The following KCNQ1OT1 variants were observed in gnomAD, a reference collection of about 807,000 sequenced individuals.
The protein encoded by KCNQ1OT1 is KCNQ1 opposite strand/antisense transcript 1.
Position 2,627,373 on chromosome 11 carries a change from A to C in KCNQ1OT1, n.72622T>G, listed in dbSNP as rs540147552. Reference sequence around the variant, plus strand: ...CAAATTCCAAGTATAGAATATATTAACTATAGTCACCAATCTGGACGTTAT... The same window carrying C: ...CAAATTCCAAGTATAGAATATATTACCTATAGTCACCAATCTGGACGTTAT... On this transcript the variant is annotated non_coding_transcript_exon_variant, in exon 1 of 1. Coordinates refer to ENST00000597346, the Ensembl canonical transcript of KCNQ1OT1. This position sits in a 1 kb window ranked among gnomAD's most constrained non-coding sequence, Gnocchi z 4.9. 5.0e-6 allele frequency: 2 copies of C among 398,512 alleles called. No homozygotes were observed. The highest frequency in any genetic ancestry group is 8.8e-5 in the Admixed American group (2 of 22,724). 24.7% of individuals were successfully genotyped at this position (398,512 alleles called of 1,614,324 possible). A position where few individuals can be genotyped will look rare whatever the true frequency, so the allele number is the denominator to read the frequency against.
exon 1 of KCNQ1OT1, chr11:2,648,508 A>T: frequency 2.5e-6 from 1 of 398,470 alleles, no homozygotes; most frequent in Non-Finnish European, 4.4e-6. Context: ...TTAAATTTTT[A>T]AAATCAATTT....
At chr11:2,680,658 C>A in exon 1 of KCNQ1OT1, 1 of 398,612 alleles carries the variant, frequency 2.5e-6, no homozygotes, top group East Asian at 3.6e-5. Flanking sequence ...GATAGTCTCA[C>A]TACAGGACAT....
chr11:2,671,202 G>A lies in KCNQ1OT1; in HGVS notation n.28793C>T. The A allele has an allele frequency of 5.0e-6, 2 of 398,584 alleles. No homozygotes were observed. 24.7% of individuals were successfully genotyped at this position (398,584 alleles called of 1,614,324 possible). Reference sequence around the variant, plus strand: ...AGGAGAAAAGGAAAGAAAAATAAAAGGTAGAGAGACAGAGGTAGACAGGAG... The same window carrying A: ...AGGAGAAAAGGAAAGAAAAATAAAAAGTAGAGAGACAGAGGTAGACAGGAG... On this transcript the variant is annotated non_coding_transcript_exon_variant, in exon 1 of 1. Transcript: ENST00000597346. The surrounding 1 kb of genome is among the most constrained non-coding windows in gnomAD (Gnocchi z 4.7).
chr11:2,692,311 T>C (rs768061169), exon 1 of KCNQ1OT1: 8 of 398,874 alleles, frequency 2.0e-5, no homozygotes, highest in Non-Finnish European at 3.1e-5. Flanking sequence ...TCCATCCCTA[T>C]TGCCACTGTC....
Position 2,691,439 on chromosome 11 carries a change from C to G in KCNQ1OT1, n.8556G>C. 2 of 398,616 alleles carry G rather than the reference C, an allele frequency of 5.0e-6. No individual in the cohort carries two copies. The highest frequency in any genetic ancestry group is 8.8e-6 in the Non-Finnish European group (2 of 226,074). The allele number at this position is 398,616 out of a possible 1,614,324, so 24.7% of individuals were successfully genotyped here. On this transcript the variant is annotated non_coding_transcript_exon_variant, in exon 1 of 1. Transcript: ENST00000597346. This position sits in a 1 kb window ranked among gnomAD's most constrained non-coding sequence, Gnocchi z 6.4. ...GGGGAGTCCACTGAAGCTCCCTGCC[C>G]CCACTGAGTCTCTGATGTTGACAGC...
chr11:2,625,962 T>G (rs1292315244), exon 1 of KCNQ1OT1: 3 of 398,530 alleles, frequency 7.5e-6, no homozygotes, highest in Non-Finnish European at 1.3e-5. Context: ...AGGTATGTGA[T>G]TTGCAAATTT....
Position 2,677,284 on chromosome 11 carries a change from C to A in KCNQ1OT1, n.22711G>T. The A allele has an allele frequency of 2.5e-6, 1 of 398,500 alleles. No homozygotes were observed. Among genetic ancestry groups the A allele is most frequent in the South Asian group, 1.3e-4 (1 of 7,828 alleles). 24.7% of individuals were successfully genotyped at this position (398,500 alleles called of 1,614,324 possible). On this transcript the variant is annotated non_coding_transcript_exon_variant, in exon 1 of 1. Transcript: ENST00000597346. This position sits in a 1 kb window ranked among gnomAD's most constrained non-coding sequence, Gnocchi z 4.5. ...TATAAAGAGGAACTGTAAATCTTGT[C>A]AAAATAGGAGATTTCATCAAGTTAA...
At position 2,679,867 on chromosome 11, in the gene KCNQ1OT1, C is replaced by T; in HGVS notation, n.20128G>A. 2.5e-6 allele frequency: 1 copy of T among 398,424 alleles called. No individual in the cohort carries two copies. Among genetic ancestry groups the T allele is most frequent in the Non-Finnish European group, 4.4e-6 (1 of 226,034 alleles). 24.7% of individuals were successfully genotyped at this position (398,424 alleles called of 1,614,324 possible). ...AGGACATGCATTTTTTTCATATAAA[C>T]TTAGAACTAGCACGCCTAATTTTTT... On this transcript the variant is annotated non_coding_transcript_exon_variant, in exon 1 of 1. Transcript: ENST00000597346. This position sits in a 1 kb window ranked among gnomAD's most constrained non-coding sequence, Gnocchi z 4.8.
At position 2,690,722 on chromosome 11, in the gene KCNQ1OT1, G is replaced by A; in HGVS notation, n.9273C>T. On this transcript the variant is annotated non_coding_transcript_exon_variant, in exon 1 of 1. Coordinates refer to ENST00000597346, the Ensembl canonical transcript of KCNQ1OT1. The surrounding 1 kb of genome is among the most constrained non-coding windows in gnomAD (Gnocchi z 5.1). ...CCTGAGGGCTTTCCATTTGATCCCA[G>A]TGGTTGAAGATGGAGTATGATCCCA... The A allele has an allele frequency of 2.5e-6, 1 of 398,658 alleles. No homozygotes were observed. Among genetic ancestry groups the A allele is most frequent in the Non-Finnish European group, 4.4e-6 (1 of 226,082 alleles). 24.7% of individuals were successfully genotyped at this position (398,658 alleles called of 1,614,324 possible).
chr11:2,696,033 T>C (rs1360768102), exon 1 of KCNQ1OT1: 1 of 398,490 alleles, frequency 2.5e-6, no homozygotes, highest in Non-Finnish European at 4.4e-6. Context: ...AAACGCAAAT[T>C]GTTTCCTTAG....
chr11:2,618,829 T>C (rs1418683533), exon 1 of KCNQ1OT1: 4 of 398,232 alleles, frequency 1.0e-5, no homozygotes, highest in Non-Finnish European at 1.8e-5. Context: ...TATCTTTCCA[T>C]TTATTTGTAT....
exon 1 of KCNQ1OT1, chr11:2,625,824 C>T: frequency 2.5e-6 from 1 of 398,560 alleles, no homozygotes; most frequent in Non-Finnish European, 4.4e-6. Flanking sequence ...CCGCCTCAGC[C>T]TCCCAAAGTA....
exon 1 of KCNQ1OT1, chr11:2,619,722 T>C (rs1173984482): frequency 1.3e-5 from 5 of 398,306 alleles, no homozygotes; most frequent in African/African-American, 6.2e-5. Context: ...ATTTTTTTTT[T>C]TTTGGAAGTA....
chr11:2,658,303 T>C lies in KCNQ1OT1; in HGVS notation n.41692A>G. The C allele has an allele frequency of 2.5e-6, 1 of 398,576 alleles. No homozygotes were observed. Among genetic ancestry groups the C allele is most frequent in the East Asian group, 3.6e-5 (1 of 28,076 alleles). The allele number at this position is 398,576 out of a possible 1,614,324, so 24.7% of individuals were successfully genotyped here. A position where few individuals can be genotyped will look rare whatever the true frequency, so the allele number is the denominator to read the frequency against. On this transcript the variant is annotated non_coding_transcript_exon_variant, in exon 1 of 1. Coordinates refer to ENST00000597346, the Ensembl canonical transcript of KCNQ1OT1. This position sits in a 1 kb window ranked among gnomAD's most constrained non-coding sequence, Gnocchi z 4.9. ...ACATTTTTTATTTGGAATTCCTTTATAAGGAAGATTTGTCCCTCTCCTCCA... is the reference window on the plus strand; with the variant it reads ...ACATTTTTTATTTGGAATTCCTTTACAAGGAAGATTTGTCCCTCTCCTCCA...
chr11:2,679,529 A>G lies in KCNQ1OT1; in HGVS notation n.20466T>C, dbSNP rs1850351500. 5.0e-6 allele frequency: 2 copies of G among 398,522 alleles called. 1 individual carries two copies. Among genetic ancestry groups the G allele is most frequent in the South Asian group, 2.5e-4 (2 of 7,864 alleles). 24.7% of individuals were successfully genotyped at this position (398,522 alleles called of 1,614,324 possible). On this transcript the variant is annotated non_coding_transcript_exon_variant, in exon 1 of 1. Transcript: ENST00000597346. The surrounding 1 kb of genome is among the most constrained non-coding windows in gnomAD (Gnocchi z 4.8). ...TTACTTAAATGTATTGCTATACCTCATGATGGCCATTCCATCCATTGTAAT... is the reference window on the plus strand; with the variant it reads ...TTACTTAAATGTATTGCTATACCTCGTGATGGCCATTCCATCCATTGTAAT...
rs1328536670 is a variant in KCNQ1OT1, at chr11:2,613,551, T to C, written n.86444A>G. 2.5e-5 allele frequency: 10 copies of C among 398,438 alleles called. No individual in the cohort carries two copies. Among genetic ancestry groups the C allele is most frequent in the South Asian group, 2.5e-4 (2 of 7,854 alleles). 24.7% of individuals were successfully genotyped at this position (398,438 alleles called of 1,614,324 possible). On this transcript the variant is annotated non_coding_transcript_exon_variant, in exon 1 of 1. Coordinates refer to ENST00000597346, the Ensembl canonical transcript of KCNQ1OT1. This position sits in a 1 kb window ranked among gnomAD's most constrained non-coding sequence, Gnocchi z 4.8. ...CCACGTTAAATCATAACCCTGCTATTCTTAGGAAGGCTTAATATTTTTTCT... is the reference window on the plus strand; with the variant it reads ...CCACGTTAAATCATAACCCTGCTATCCTTAGGAAGGCTTAATATTTTTTCT...
chr11:2,662,495 C>T (rs1849979827), exon 1 of KCNQ1OT1: 1 of 447,962 alleles, frequency 2.2e-6, no homozygotes, highest in Non-Finnish European at 3.9e-6. Flanking sequence ...CTGCTGCTGT[C>T]CTCAGGGGCT....
chr11:2,649,776 C>T (rs1411024123), exon 1 of KCNQ1OT1: 1 of 398,084 alleles, frequency 2.5e-6, no homozygotes, highest in Non-Finnish European at 4.4e-6. Context: ...TCAGAGAGGC[C>T]CTTTTAGGGT....
chr11:2,638,503 C>T (rs1205941919), exon 1 of KCNQ1OT1: 2 of 152,114 alleles, frequency 1.3e-5, no homozygotes, highest in African/African-American at 4.8e-5. Flanking sequence ...AATATTGGCC[C>T]CCACTCTCTT....
Sources: gnomAD v4.1 joint callset for allele counts on GRCh38, gnomAD v4.1.1 for gene constraint, Gnocchi (gnomAD v3.1) non-coding constraint, MANE v1.5 for transcripts, NCBI Gene and HGNC (gene_info 2026-07-23, HGNC 2026-07-21) for gene names.